MTTP: variants seen among roughly 807,000 people sequenced by gnomAD.
MTTP encodes the protein microsomal triglyceride transfer protein large subunit.
A neutral mutation model predicts 90.6 loss-of-function variants in MTTP; 49 were observed. That is an observed-to-expected ratio of 0.54 (90% CI 0.43 to 0.69). The LOEUF (loss-of-function observed/expected upper bound fraction) is 0.69. Among genes scored for constraint, MTTP ranks in the 30% least tolerant of loss-of-function variants. The pLI is 0.00. For synonymous variants in MTTP, 347 were observed against 384.2 expected (o/e 0.90, Z 1.13); for missense variants, 945 against 1,067.5 (o/e 0.89, Z 1.60).
chr4:99,594,706 A>G (rs539528045), intron 6 of MTTP, 27 bp from the exon 7 acceptor site: 9 of 1,612,732 alleles, frequency 5.6e-6, no homozygotes, highest in African/African-American at 1.3e-5. Context: ...TGATTATAAT[A>G]TAGCATTTCC....
chr4:99,575,339 A>AT (rs1303672464), intron 1 of MTTP, among the ~76,000 whole-genome samples: 8 of 152,164 alleles, frequency 5.3e-5, no homozygotes, highest in South Asian at 4.1e-4. Flanking sequence ...GTAAATGAGG[A>AT]TTTTTTTTAA....
chr4:99,564,654 C>T (rs532374251), intron 1 of MTTP, among the ~76,000 whole-genome samples: 3 of 152,172 alleles, frequency 2.0e-5, no homozygotes, highest in East Asian at 1.9e-4. Flanking sequence ...AATACAACCC[C>T]GTAGATTGTC....
rs780141687 is a variant in MTTP at position 99,622,794 on chromosome 4, G to A, written c.2631G>A (p.Met877Ile). The part of the protein sequence containing the change: ...EFPLHQENSE[M>I]CKVVFAPQPD... ...CGCTCCATCAAGAGAACTCAGAGAT[G>A]TGCAAAGTGGTGTTTGCCCCTCAGC... Residue 877 changes from methionine (M) to isoleucine (I), a missense_variant, in exon 18 of 18, where the codon ATG becomes ATA. Transcript: ENST00000265517. 6 of 1,614,126 alleles carry A rather than the reference G, an allele frequency of 3.7e-6. No homozygotes were observed. The Admixed American group carries it at 5.0e-5, about 13-fold the overall frequency.
chr4:99,623,443 A>G lies in MTTP; in HGVS notation c.*595A>G, dbSNP rs1726295397. 6.4e-6 allele frequency: 1 copy of G among 156,618 alleles called. No homozygotes were observed. The highest frequency in any genetic ancestry group is 2.4e-5 in the African/African-American group (1 of 41,432). 9.7% of individuals were successfully genotyped at this position (156,618 alleles called of 1,614,324 possible). A position where few individuals can be genotyped will look rare whatever the true frequency, so the allele number is the denominator to read the frequency against. On this transcript the variant is annotated 3_prime_UTR_variant, in exon 18 of 18. Coordinates refer to ENST00000265517, the MANE Select transcript of MTTP (RefSeq NM_001386140.1). The stretch of plus-strand genomic sequence containing the variant: ...CTGTTATTGTTAGTTTTAAGCCTTA[A>G]GGTAGAAGGCACATAGAAATAACAT...
rs564157407 is a variant in MTTP at position 99,612,155 on chromosome 4, T to G, written c.1989+702T>G. Among the ~76,000 whole-genome samples, 19 of 152,342 alleles carry G rather than the reference T, an allele frequency of 1.2e-4. No homozygotes were observed. The East Asian group carries it at 3.1e-3, about 25-fold the overall frequency. ...TCCAATGCTATAAAAACTTGAGTCT[T>G]TATCAATCTTATATTACTATACCTT... On this transcript the variant is annotated intron_variant, in intron 14 of 17. Transcript: ENST00000265517.
intron 10 of MTTP, among the ~76,000 whole-genome samples, chr4:99,604,633 G>C (rs1211265970): frequency 2.0e-5 from 3 of 151,848 alleles, no homozygotes; most frequent in Admixed American, 6.6e-5. Flanking sequence ...CTTATTACTT[G>C]AGTGCCATTG....
At chr4:99,603,993 T>C (rs1163381903) in intron 10 of MTTP, among the ~76,000 whole-genome samples, 1 of 152,204 alleles carries the variant, frequency 6.6e-6, no homozygotes, top group African/African-American at 2.4e-5. Flanking sequence ...ATTTTGTTAA[T>C]ATTTTTGAGC....
chr4:99,597,213 T>C lies in MTTP; in HGVS notation c.1056T>C (p.Asn352=). 1 of 1,613,388 alleles carries C rather than the reference T, an allele frequency of 6.2e-7. No homozygotes were observed. Among genetic ancestry groups the C allele is most frequent in the African/African-American group, 1.3e-5 (1 of 74,980 alleles). ...TCCTTCAAATACTAAAGATGGAAAA[T>C]AAGGAAGTATTGTAAGTTCCCCAAC... ...EEILQILKME[N]KEVLPQLVDA... is the part of the protein sequence containing the mutation. The change falls in exon 8 of 18, where the codon AAT becomes AAC. Residue 352 remains asparagine (N), a synonymous_variant. Coordinates refer to ENST00000265517, the MANE Select transcript of MTTP (RefSeq NM_001386140.1).
chr4:99,597,383 G>A (rs1725584522), intron 8 of MTTP, among the ~76,000 whole-genome samples, 159 bp downstream of exon 8: 2 of 152,160 alleles, frequency 1.3e-5, no homozygotes, highest in African/African-American at 4.8e-5. Context: ...CCACAGTGCA[G>A]TAATTTAATG....
At chr4:99,573,415 C>G (rs1022115611), upstream of MTTP, among the ~76,000 whole-genome samples, 2 of 152,130 alleles carry the variant, frequency 1.3e-5, no homozygotes, top group Non-Finnish European at 2.9e-5. Context: ...AACAAAGCTA[C>G]TTTTCTGTTT....
At chr4:99,611,303 A>G (rs777849060) in intron 13 of MTTP, 29 bp from the exon 14 acceptor site, 10 of 1,614,038 alleles carry the variant, frequency 6.2e-6, no homozygotes, top group South Asian at 4.4e-5. Flanking sequence ...TGGAACTGCT[A>G]TTAAATTACA....
intron 17 of MTTP, among the ~76,000 whole-genome samples, chr4:99,621,840 T>C (rs9993533): frequency 0.12 from 18,884 of 152,244 alleles, 1,675 homozygotes; most frequent in Non-Finnish European, 0.19. Context: ...GTAACCATTA[T>C]TTGTAACAAT....
intron 15 of MTTP, among the ~76,000 whole-genome samples, chr4:99,614,438 C>G (rs1726048272): frequency 6.6e-6 from 1 of 152,236 alleles, no homozygotes; most frequent in South Asian, 2.1e-4. Flanking sequence ...AATTTTCTAT[C>G]TTTCTTGTTC....
chr4:99,565,405 TATTA>T (rs1724655564), intron 1 of MTTP, among the ~76,000 whole-genome samples: 1 of 83,282 alleles, frequency 1.2e-5, no homozygotes, highest in Admixed American at 1.1e-4. Flanking sequence ...ATGATTCTAT[TATTA>T]ATCCAAAGTA....
At chr4:99,570,705 C>G (rs747421575), upstream of MTTP, 1 of 455,728 alleles carries the variant, frequency 2.2e-6, no homozygotes, top group South Asian at 1.6e-5. Context: ...TTTAGGCAGG[C>G]CCAGTATAAT....
upstream of MTTP, among the ~76,000 whole-genome samples, chr4:99,572,579 A>G (rs182277541): frequency 1.3e-5 from 2 of 152,196 alleles, no homozygotes; most frequent in Admixed American, 1.3e-4. Flanking sequence ...AAGGATTATT[A>G]TAAAAACGTA....
intron 3 of MTTP, 73 bp downstream of exon 3, chr4:99,583,590 T>C (rs1296625298): frequency 6.4e-7 from 1 of 1,550,634 alleles, no homozygotes; most frequent in Middle Eastern, 1.7e-4. Context: ...GATATTATTT[T>C]GAGGTAATCA....
chr4:99,616,939 C>CCTGTGATGTGG lies in MTTP; in HGVS notation c.2218-2035_2218-2034insCTGTGATGTGG, dbSNP rs1560626630. On this transcript the variant is annotated intron_variant, in intron 15 of 17. Coordinates refer to ENST00000265517, the MANE Select transcript of MTTP (RefSeq NM_001386140.1). Reference sequence around the variant, plus strand: ...TGGTTGGTGGGAAGGCCAAGATCCACATCACAGGCCTCTGCTGGACTGGGT... The same window carrying CCTGTGATGTGG: ...TGGTTGGTGGGAAGGCCAAGATCCACCTGTGATGTGGATCACAGGCCTCTGCTGGACTGGGT... Among the ~76,000 whole-genome samples the CCTGTGATGTGG allele has an allele frequency of 5.9e-5, 9 of 152,316 alleles. 2 individuals are homozygous for CCTGTGATGTGG. In the South Asian group the frequency reaches 1.9e-3, roughly 32 times the overall value.
intron 16 of MTTP, chr4:99,620,860 C>T (rs1055618398): frequency 1.7e-6 from 1 of 591,498 alleles, no homozygotes; most frequent in African/African-American, 1.9e-5. Flanking sequence ...AAGGGCAAAC[C>T]TTCCCTGCCC....
Sources: allele counts gnomAD v4.1 joint callset (sites outside exome capture counted in the v4.1 genomes callset), GRCh38; gene constraint gnomAD v4.1.1; transcripts MANE v1.5; gene names NCBI Gene and HGNC (gene_info 2026-07-23, HGNC 2026-07-21).